Variants in MYO19 observed in about 807,000 individuals in gnomAD.
MYO19 encodes the protein unconventional myosin-XIX.
Under a neutral mutation model 129.2 loss-of-function variants are expected in MYO19, and 132 were observed. The observed-to-expected ratio is 1.02, with a 90% CI of 0.89 to 1.18. The LOEUF is 1.18. Ranked by LOEUF, MYO19 falls within the 50% of genes most tolerant of loss-of-function variation. The pLI is 0.00. For synonymous variants in MYO19, 531 were observed against 477.2 expected (o/e 1.11, Z -1.47); for missense variants, 1,210 against 1,216.7 (o/e 0.99, Z 0.08).
At chr17:36,505,567 C>T (rs1007430687) in intron 18 of MYO19, among the ~76,000 whole-genome samples, 163 bp from the exon 19 acceptor site, 1 of 152,196 alleles carries the variant, frequency 6.6e-6, no homozygotes, top group Non-Finnish European at 1.5e-5. Flanking sequence ...TCTCAACGAG[C>T]AGGCTCAGAG....
Position 36,504,030 on chromosome 17 carries a change from TG to T in MYO19, c.1906-11del, listed in dbSNP as rs1379014146. On this transcript the variant is annotated splice_polypyrimidine_tract_variant and intron_variant, in intron 19 of 25. Coordinates refer to ENST00000614623, the MANE Select transcript of MYO19 (RefSeq NM_001163735.2). ...CCAGCTGGCTCAGGACCTGCAAGGG[TG>T]GGGAGACAGGGCAGGCACCTGCAGC... is the stretch of plus-strand genomic sequence containing the variant. 3.2e-6 allele frequency: 5 copies of T among 1,557,976 alleles called. No individual in the cohort carries two copies. In the African/African-American group the frequency reaches 5.4e-5, roughly 17 times the overall value.
intron 1 of MYO19, among the ~76,000 whole-genome samples, chr17:36,542,658 C>CA (rs2074203059): frequency 6.6e-6 from 1 of 151,112 alleles, no homozygotes; most frequent in African/African-American, 2.4e-5. Context: ...GAGATAGCGC[C>CA]ACTGCACTCC....
At chr17:36,525,423 G>T in intron 5 of MYO19, 82 bp from the exon 6 acceptor site, 1 of 1,057,122 alleles carries the variant, frequency 9.5e-7, no homozygotes, top group South Asian at 1.4e-5. Flanking sequence ...CTGAGATGGG[G>T]AGGCTGCCAA....
intron 19 of MYO19, 135 bp from the exon 20 acceptor site, chr17:36,504,155 G>A (rs1437628389): frequency 6.6e-6 from 4 of 607,988 alleles, no homozygotes; most frequent in South Asian, 2.3e-5. Flanking sequence ...GCTAATGGGG[G>A]TATCTCCTTG....
rs374641047 is a variant in MYO19 at position 36,498,535 on chromosome 17, T to G, written c.2488A>C (p.Lys830Gln). The change falls in exon 25 of 26, where the codon AAA becomes CAA. Residue 830 changes from lysine to glutamine, a missense_variant. Lys to Gln is a moderately conservative substitution (Grantham distance 53). Coordinates refer to ENST00000614623, the MANE Select transcript of MYO19 (RefSeq NM_001163735.2). ...TTTTCTTCCACACCATCCAGCTCTT[T>G]AGCAGCAAGGCAGGCCATTCTGATC... ...WRIRMACLAA[K>Q]ELDGVEEKHF... is the part of the protein sequence containing the mutation. 6.2e-7 allele frequency: 1 copy of G among 1,612,922 alleles called. No homozygotes were observed. The highest frequency in any genetic ancestry group is 1.1e-5 in the South Asian group (1 of 91,064).
intron 3 of MYO19, among the ~76,000 whole-genome samples, chr17:36,529,754 A>G (rs2073715926): frequency 6.6e-6 from 1 of 152,144 alleles, no homozygotes; most frequent in Non-Finnish European, 1.5e-5. Context: ...ACACAGACAC[A>G]ATTTATGAAG....
At chr17:36,539,414 TAAAAAG>T (rs2142626120), upstream of MYO19, 1 of 165,412 alleles carries the variant, frequency 6.0e-6, no homozygotes, top group South Asian at 2.1e-4. Context: ...TGGGTGGATA[TAAAAAG>T]AAAAATTTTA....
At chr17:36,529,586 T>C (rs1053014778) in intron 3 of MYO19, among the ~76,000 whole-genome samples, 1 of 152,164 alleles carries the variant, frequency 6.6e-6, no homozygotes, top group Non-Finnish European at 1.5e-5. Flanking sequence ...CTTCCAAAAC[T>C]GTTGCCTGTT....
intron 5 of MYO19, among the ~76,000 whole-genome samples, chr17:36,526,901 C>T (rs1313609963): frequency 1.3e-5 from 2 of 151,422 alleles, no homozygotes; most frequent in African/African-American, 2.4e-5. Context: ...TAAATAGGGC[C>T]GGGTACAGTG....
rs1184205502 is a variant in MYO19, at chr17:36,514,529, C to G, written c.637G>C (p.Ala213Pro). 3.7e-6 allele frequency: 6 copies of G among 1,612,630 alleles called. No individual in the cohort carries two copies. Among genetic ancestry groups the G allele is most frequent in the Non-Finnish European group, 5.1e-6 (6 of 1,178,812 alleles). The change falls in exon 9 of 26, where the codon GCC becomes CCC. Residue 213 changes from alanine to proline, a missense_variant. Transcript: ENST00000614623. ...QLNRAQQMTGAAVQTYLLEKT... is the reference protein window; with the variant it reads ...QLNRAQQMTGPAVQTYLLEKT... The stretch of plus-strand genomic sequence containing the variant: ...TCTAGGAGGTAGGTCTGGACTGCGG[C>G]TCCAGTCATTTGCTGAGCCCTGGGA...
At chr17:36,541,510 C>T (rs185004475) in intron 2 of MYO19, among the ~76,000 whole-genome samples, 41 of 152,218 alleles carry the variant, frequency 2.7e-4, no homozygotes, top group African/African-American at 9.1e-4. Flanking sequence ...TTTATGCCTG[C>T]ATTTTGTGGC....
Position 36,515,127 on chromosome 17 carries a change from C to T in MYO19, c.603G>A (p.Gln201=). The change falls in exon 8 of 26, where the codon CAG becomes CAA. Residue 201 remains glutamine, a synonymous_variant. Coordinates refer to ENST00000614623, the MANE Select transcript of MYO19 (RefSeq NM_001163735.2). ...GCAGCTATTACCTGTTCAGCTGGAGCTGGATGAACTTCCCAAAGCGACTGC... is the reference window on the plus strand; with the variant it reads ...GCAGCTATTACCTGTTCAGCTGGAGTTGGATGAACTTCCCAAAGCGACTGC... ...NNSSRFGKFI[Q]LQLNRAQQMT... 2 of 1,610,112 alleles carry T rather than the reference C, an allele frequency of 1.2e-6. No homozygotes were observed. The highest frequency in any genetic ancestry group is 1.7e-6 in the Non-Finnish European group (2 of 1,178,214).
At chr17:36,528,009 C>A in intron 4 of MYO19, 55 bp downstream of exon 4, 1 of 1,585,340 alleles carries the variant, frequency 6.3e-7, no homozygotes, top group Non-Finnish European at 8.6e-7. Flanking sequence ...TGACTACTCT[C>A]ATTACACCTC....
intron 6 of MYO19, among the ~76,000 whole-genome samples, chr17:36,524,059 C>T (rs1047105448): frequency 1.3e-5 from 2 of 152,128 alleles, no homozygotes; most frequent in Admixed American, 6.6e-5. Flanking sequence ...TAAAGGGTTA[C>T]CTAGCTCTCT....
At chr17:36,523,062 C>T (rs2073244886) in intron 6 of MYO19, among the ~76,000 whole-genome samples, 1 of 149,038 alleles carries the variant, frequency 6.7e-6, no homozygotes, top group Non-Finnish European at 1.5e-5. Context: ...TGGTATGCAT[C>T]TGTAATCCCA....
chr17:36,510,900 C>G lies in MYO19; in HGVS notation c.1003G>C (p.Ala335Pro). 6.3e-7 allele frequency: 1 copy of G among 1,578,262 alleles called. No homozygotes were observed. ...TCCTCTGGGAGCCCCAGCAGCGAGG[C>G]TGCCGTCCTGACAGAGTCTGGGAGG... Reference protein sequence around the residue: ...DDAKYSVRTAASLLGLPEDVL... With the variant: ...DDAKYSVRTAPSLLGLPEDVL... Residue 335 changes from alanine to proline, a missense_variant, in exon 13 of 26, where the codon GCC becomes CCC. Coordinates refer to ENST00000614623, the MANE Select transcript of MYO19 (RefSeq NM_001163735.2).
chr17:36,521,017 T>C (rs2073098678), intron 6 of MYO19, among the ~76,000 whole-genome samples: 1 of 152,244 alleles, frequency 6.6e-6, no homozygotes, highest in African/African-American at 2.4e-5. Context: ...TTCTTTTGCA[T>C]GTCTAGTCTG....
chr17:36,526,396 G>C (rs1225185057), intron 5 of MYO19, among the ~76,000 whole-genome samples: 1 of 152,018 alleles, frequency 6.6e-6, no homozygotes, highest in Admixed American at 6.6e-5. Context: ...CTGCCAGCAA[G>C]TTTTCTCTCA....
chr17:36,523,040 T>C (rs1452392491), intron 6 of MYO19, among the ~76,000 whole-genome samples: 1 of 143,614 alleles, frequency 7.0e-6, no homozygotes, highest in Non-Finnish European at 1.5e-5. Context: ...AAAAAAACTT[T>C]GCTGAGTGTG....
Sources: allele counts gnomAD v4.1 joint callset (sites outside exome capture counted in the v4.1 genomes callset), GRCh38; gene constraint gnomAD v4.1.1; transcripts MANE v1.5; gene names NCBI Gene and HGNC (gene_info 2026-07-23, HGNC 2026-07-21).